MYH8: variants seen among roughly 807,000 people sequenced by gnomAD.
MYH8 encodes myosin-8.
Under a neutral mutation model 233.2 loss-of-function variants are expected in MYH8, and 168 were observed. The observed-to-expected ratio is 0.72, with a 90% CI of 0.64 to 0.82. MYH8 has a LOEUF of 0.82. Among genes scored for constraint, MYH8 ranks in the 40% least tolerant of loss-of-function variants. The pLI, the probability that MYH8 is intolerant of heterozygous loss-of-function variation, is 0.00. For synonymous variants in MYH8, 785 were observed against 850.6 expected, an observed-to-expected ratio of 0.92 and a Z score of 1.34; for missense variants, 1,995 against 2,327.8, an observed-to-expected ratio of 0.86 and a Z score of 2.94.
rs774784901 is a variant in MYH8, at chr17:10,409,367, G to A, written c.1809C>T (p.Pro603=). 3.7e-6 allele frequency: 6 copies of A among 1,614,052 alleles called. No homozygotes were observed. The highest frequency in any genetic ancestry group is 2.2e-5 in the East Asian group (1 of 44,896). ...ITGWLDKNKD[P]LNDTVVGLYQ... is the part of the protein sequence containing the mutation. The stretch of plus-strand genomic sequence containing the variant: ...ACAGCCCAACCACAGTATCATTCAG[G>A]GGGTCCTTATTTTTGTCCAGCCAGC... The change falls in exon 16 of 40, where the codon CCC becomes CCT. Residue 603 remains proline, a synonymous_variant. Transcript: ENST00000403437.
rs2072326014 is a variant in MYH8, at chr17:10,420,275, G to A, written c.-30-18C>T. 1.8e-5 allele frequency: 28 copies of A among 1,590,158 alleles called. No homozygotes were observed. Among genetic ancestry groups the A allele is most frequent in the Non-Finnish European group, 2.2e-5 (26 of 1,161,294 alleles). On this transcript the variant is annotated intron_variant, in intron 2 of 39. Coordinates refer to ENST00000403437, the MANE Select transcript of MYH8 (RefSeq NM_002472.3). ...GATTCTGCCTAGGGAGGAGAGAAAC[G>A]GGAGAGAGAGATATAAAAAGCAGAA...
rs142902363 is a variant in MYH8 at position 10,409,232 on chromosome 17, C to T, written c.1897+47G>A. 5.6e-4 allele frequency: 905 copies of T among 1,613,478 alleles called. 8 individuals carry two copies. The East Asian group carries it at 7.0e-3, about 12-fold the overall frequency. Reference sequence around the variant, plus strand: ...AGGCTTATATGAACATGTATTATAACATTATGTGAGAATGGATTTAATTTA... The same window carrying T: ...AGGCTTATATGAACATGTATTATAATATTATGTGAGAATGGATTTAATTTA... On this transcript the variant is annotated intron_variant, in intron 16 of 39. Coordinates refer to ENST00000403437, the MANE Select transcript of MYH8 (RefSeq NM_002472.3).
chr17:10,399,574 T>C lies in MYH8; in HGVS notation c.3831A>G (p.Thr1277=), dbSNP rs2072115090. Residue 1277 remains threonine (T), a synonymous_variant, in exon 28 of 40, where the codon ACA becomes ACG. Transcript: ENST00000403437. The part of the protein sequence containing the change: ...EEQQRLINDL[T]AQRARLQTEA... ...CTGTCTGCAGGCGCGCTCTCTGTGC[T>C]GTGAGGTCATTGATCAGCCGCTGCT... The C allele has an allele frequency of 1.9e-6, 3 of 1,613,998 alleles. No individual in the cohort carries two copies. The highest frequency in any genetic ancestry group is 2.5e-6 in the Non-Finnish European group (3 of 1,180,026).
chr17:10,392,403 T>G, intron 38 of MYH8, 139 bp downstream of exon 38: 2 of 822,158 alleles, frequency 2.4e-6, no homozygotes, highest in Non-Finnish European at 4.2e-6. Flanking sequence ...AGGTCTGTGA[T>G]AAGCAACTGT....
At chr17:10,416,879 G>A (rs2072294159) in intron 5 of MYH8, among the ~76,000 whole-genome samples, 1 of 152,074 alleles carries the variant, frequency 6.6e-6, no homozygotes, top group African/African-American at 2.4e-5. Flanking sequence ...ACTTCAATTA[G>A]AATTACAGAA....
At position 10,392,959 on chromosome 17, in the gene MYH8, T is replaced by C. The variant is rs751704006; in HGVS notation, c.5335A>G (p.Ser1779Gly). ...AEELKKEQDT[S>G]AHLERMKKNL... ...TTCTTCATCCGCTCCAGGTGGGCGCTGGTGTCCTGTTCCTTCTTCAGCTCC... is the reference window on the plus strand; with the variant it reads ...TTCTTCATCCGCTCCAGGTGGGCGCCGGTGTCCTGTTCCTTCTTCAGCTCC... The change falls in exon 37 of 40, where the codon AGC becomes GGC. Residue 1779 changes from serine to glycine, a missense_variant. Around this residue, in one of 3 missense-constraint regions of MYH8, gnomAD observed 1,498 missense variants for 1,680.9 expected, o/e 0.89. Coordinates refer to ENST00000403437, the MANE Select transcript of MYH8 (RefSeq NM_002472.3). 17 of 1,614,234 alleles carry C rather than the reference T, an allele frequency of 1.1e-5. No homozygotes were observed. Among genetic ancestry groups the C allele is most frequent in the African/African-American group, 1.3e-5 (1 of 75,056 alleles).
intron 9 of MYH8, among the ~76,000 whole-genome samples, chr17:10,414,842 A>T (rs747418902): frequency 1.3e-5 from 2 of 152,188 alleles, no homozygotes; most frequent in Non-Finnish European, 2.9e-5. Context: ...ATGTATTGGA[A>T]ACCCATAAGT....
rs556513030 is a variant in MYH8 at position 10,396,552 on chromosome 17, C to G, written c.4528+1G>C. 16 of 1,613,936 alleles carry G rather than the reference C, an allele frequency of 9.9e-6. No homozygotes were observed. The highest frequency in any genetic ancestry group is 1.3e-5 in the Non-Finnish European group (15 of 1,179,902). ...GAGTAGGGAGGACTGTGAGGACTCA[C>G]GTTGCAAGTTCTTATTTTCTCTTCT... On this transcript the variant is annotated splice_donor_variant, in intron 32 of 39. Coordinates refer to ENST00000403437, the MANE Select transcript of MYH8 (RefSeq NM_002472.3). LOFTEE classifies it high-confidence loss of function. This position sits in a 1 kb window ranked among gnomAD's most constrained non-coding sequence, Gnocchi z 4.2.
chr17:10,416,982 T>C (rs2072295208), intron 5 of MYH8, among the ~76,000 whole-genome samples: 1 of 152,222 alleles, frequency 6.6e-6, no homozygotes, highest in Non-Finnish European at 1.5e-5. Context: ...GGAAGTGACT[T>C]TTCTAATATT....
At chr17:10,412,852 C>A in intron 12 of MYH8, 124 bp from the exon 13 acceptor site, 1 of 982,912 alleles carries the variant, frequency 1.0e-6, no homozygotes, top group Non-Finnish European at 1.6e-6. Flanking sequence ...TATAAAAGGC[C>A]AAATGAGGTT....
chr17:10,397,888 GT>G (rs904734445), intron 30 of MYH8, among the ~76,000 whole-genome samples: 2 of 152,058 alleles, frequency 1.3e-5, no homozygotes, highest in East Asian at 1.9e-4. Flanking sequence ...ACAAAGGCAG[GT>G]TTTTTTTCCC....
chr17:10,398,574 A>G lies in MYH8; in HGVS notation c.4048T>C (p.Tyr1350His). 3 of 1,614,004 alleles carry G rather than the reference A, an allele frequency of 1.9e-6. No homozygotes were observed. Among genetic ancestry groups the G allele is most frequent in the South Asian group, 1.1e-5 (1 of 91,056 alleles). ...GCTTTGCCTTCCTGCTCTTCCTCAT[A>G]CTGTTCCCGCAGCAGGTCGCAGTCA... ...RHDCDLLREQYEEEQEGKAEL... is the reference protein window; with the variant it reads ...RHDCDLLREQHEEEQEGKAEL... Residue 1350 changes from tyrosine (Y) to histidine (H), a missense_variant, in exon 30 of 40, where the codon TAT becomes CAT. By Grantham distance (83) the Tyr-to-His change is moderately conservative. Coordinates refer to ENST00000403437, the MANE Select transcript of MYH8 (RefSeq NM_002472.3).
At chr17:10,407,711 T>G (rs913540533) in intron 17 of MYH8, among the ~76,000 whole-genome samples, 1 of 151,744 alleles carries the variant, frequency 6.6e-6, no homozygotes, top group Non-Finnish European at 1.5e-5. Context: ...TGGTGACGGG[T>G]GCCTGTAATA....
At chr17:10,398,921 G>T in intron 28 of MYH8, 35 bp from the exon 29 acceptor site, 3 of 1,507,804 alleles carry the variant, frequency 2.0e-6, no homozygotes, top group Non-Finnish European at 2.7e-6. Context: ...TTTTTTACTG[G>T]CATAAAAATA....
chr17:10,408,479 T>C (rs1271577160), intron 17 of MYH8, among the ~76,000 whole-genome samples: 1 of 152,212 alleles, frequency 6.6e-6, no homozygotes, highest in Non-Finnish European at 1.5e-5. Flanking sequence ...GACTTAGCCA[T>C]ACACATTTTG....
intron 15 of MYH8, among the ~76,000 whole-genome samples, chr17:10,409,895 G>C (rs962432202): frequency 6.6e-6 from 1 of 152,136 alleles, no homozygotes; most frequent in Non-Finnish European, 1.5e-5. Context: ...TATTGTCAGA[G>C]TTTTTCTTCG....
In MYH8 at chr17:10,400,750, G is replaced by C; in HGVS notation, c.3375C>G (p.Ile1125Met). The C allele has an allele frequency of 1.2e-6, 2 of 1,614,132 alleles. No individual in the cohort carries two copies. The highest frequency in any genetic ancestry group is 1.7e-6 in the Non-Finnish European group (2 of 1,180,044). The part of the protein sequence containing the change: ...QARIEELGEE[I>M]EAERASRAKA... ...TGGCTCGGGACGCCCTCTCTGCCTC[G>C]ATTTCTTCCCCCAGCTCCTCAATGC... Residue 1125 changes from isoleucine (I) to methionine (M), a missense_variant, in exon 27 of 40, where the codon ATC (isoleucine) becomes ATG (methionine). Physicochemically the swap from Ile to Met is conservative, Grantham distance 10 (BLOSUM62 1). Around this residue, in one of 3 missense-constraint regions of MYH8, gnomAD observed 1,498 missense variants for 1,680.9 expected, o/e 0.89. Transcript: ENST00000403437. The surrounding 1 kb of genome is among the most constrained non-coding windows in gnomAD (Gnocchi z 4.0).
chr17:10,418,701 T>A lies in MYH8; in HGVS notation c.455A>T (p.Glu152Val). The change falls in exon 5 of 40, where the codon GAG (glutamate) becomes GTG (valine). Residue 152 changes from glutamate to valine, a missense_variant. Glu to Val is a moderately radical substitution (Grantham distance 121, BLOSUM62 -2). Around this residue, in one of 3 missense-constraint regions of MYH8, gnomAD observed 479 missense variants for 600.9 expected, o/e 0.80. Transcript: ENST00000403437. The stretch of plus-strand genomic sequence containing the variant: ...GATGGAGAAGATGTGGGGCGGGGCC[T>A]CCTGGCGCTTTTTGCCTCTGTAGGC... ...VAAYRGKKRQ[E>V]APPHIFSISD... 2 of 1,613,932 alleles carry A rather than the reference T, an allele frequency of 1.2e-6. No homozygotes were observed. Among genetic ancestry groups the A allele is most frequent in the East Asian group, 4.5e-5 (2 of 44,886 alleles).
intron 14 of MYH8, among the ~76,000 whole-genome samples, 162 bp from the exon 15 acceptor site, chr17:10,411,109 G>T (rs2072240239): frequency 6.6e-6 from 1 of 152,312 alleles, no homozygotes; most frequent in South Asian, 2.1e-4. Flanking sequence ...GGGCACGGTG[G>T]CTCACACCTG....
Sources: allele counts gnomAD v4.1 joint callset (sites outside exome capture counted in the v4.1 genomes callset), GRCh38; gene constraint gnomAD v4.1.1; regional missense constraint gnomAD v4.1.1; non-coding constraint Gnocchi (gnomAD v3.1); transcripts MANE v1.5; gene names NCBI Gene and HGNC (gene_info 2026-07-23, HGNC 2026-07-21).